ARB2A: variants seen among roughly 807,000 people sequenced by gnomAD.
ARB2A encodes the protein cotranscriptional regulator ARB2A.
the ARB2A span, chr5:93,865,996 T>C: frequency 2.0e-6 from 2 of 985,324 alleles, no homozygotes; most frequent in African/African-American, 1.7e-5. Flanking sequence ...TTAAGAGTTA[T>C]GCAACTAAAA....
chr5:93,978,161 T>C, the ARB2A span, among the ~76,000 whole-genome samples: 2 of 152,150 alleles, frequency 1.3e-5, no homozygotes, highest in Non-Finnish European at 2.9e-5. Context: ...TATACATTGT[T>C]GGTGGGAATG....
the ARB2A span, among the ~76,000 whole-genome samples, chr5:93,635,625 A>G: frequency 6.6e-6 from 1 of 151,978 alleles, no homozygotes; most frequent in Non-Finnish European, 1.5e-5. Flanking sequence ...TTTTTGGTAG[A>G]GACAGGGTTT....
the ARB2A span, among the ~76,000 whole-genome samples, chr5:93,969,943 A>T: frequency 2.6e-5 from 4 of 152,106 alleles, no homozygotes; most frequent in Admixed American, 2.6e-4. Flanking sequence ...TTTGAGAAAT[A>T]AAATGTAATA....
chr5:93,664,093 T>A, the ARB2A span, among the ~76,000 whole-genome samples: 2 of 151,636 alleles, frequency 1.3e-5, no homozygotes, highest in South Asian at 4.2e-4. Flanking sequence ...TTTTTAGCGG[T>A]AGGGTCTTGC....
chr5:93,640,777 T>C, the ARB2A span, among the ~76,000 whole-genome samples: 37 of 152,164 alleles, frequency 2.4e-4, no homozygotes, highest in Non-Finnish European at 4.1e-4. Context: ...TCTGTAAATA[T>C]TTACAGTCTT....
chr5:93,804,502 T>C, the ARB2A span, among the ~76,000 whole-genome samples: 7 of 152,044 alleles, frequency 4.6e-5, no homozygotes, highest in East Asian at 1.2e-3. Flanking sequence ...CTTTCAATAA[T>C]AATTCAATAT....
chr5:93,799,160 T>G, the ARB2A span, among the ~76,000 whole-genome samples: 1 of 152,106 alleles, frequency 6.6e-6, no homozygotes, highest in Non-Finnish European at 1.5e-5. Flanking sequence ...TAGAGAACAC[T>G]TATGGTCCTG....
chr5:93,773,540 CAA>C, the ARB2A span, among the ~76,000 whole-genome samples: 10 of 152,174 alleles, frequency 6.6e-5, no homozygotes, highest in East Asian at 1.9e-4. Context: ...TTTCACCAGG[CAA>C]AGAGTCTTGA....
the ARB2A span, among the ~76,000 whole-genome samples, chr5:93,934,132 A>T: frequency 4.6e-5 from 7 of 152,334 alleles, no homozygotes; most frequent in South Asian, 2.1e-4. Flanking sequence ...TTTATGAGGA[A>T]CTATTTTAAA....
At chr5:94,078,798 A>G in the ARB2A span, among the ~76,000 whole-genome samples, 1 of 151,972 alleles carries the variant, frequency 6.6e-6, no homozygotes, top group South Asian at 2.1e-4. Flanking sequence ...ACCATCTAGT[A>G]GCTAAGTGAC....
the ARB2A span, among the ~76,000 whole-genome samples, chr5:93,640,444 G>A: frequency 6.6e-6 from 1 of 150,480 alleles, no homozygotes; most frequent in Non-Finnish European, 1.5e-5. Context: ...GCAAGACTCC[G>A]TCTCAAAAAA....
the ARB2A span, among the ~76,000 whole-genome samples, chr5:93,831,491 G>A: frequency 9.2e-5 from 14 of 152,114 alleles, no homozygotes; most frequent in East Asian, 1.9e-4. Flanking sequence ...ACTCAGTCAT[G>A]CAACTCAGTC....
the ARB2A span, among the ~76,000 whole-genome samples, chr5:93,902,169 T>C: frequency 1.3e-5 from 2 of 152,184 alleles, 1 homozygote; most frequent in Admixed American, 1.3e-4. Context: ...TTTTAACGTA[T>C]TTCTATTTTA....
At chr5:93,874,634 T>C in the ARB2A span, among the ~76,000 whole-genome samples, 5 of 152,196 alleles carry the variant, frequency 3.3e-5, no homozygotes, top group Non-Finnish European at 7.3e-5. Context: ...TAGCAAGTTA[T>C]TGAAACTGAG....
the ARB2A span, among the ~76,000 whole-genome samples, chr5:94,027,553 G>A: frequency 6.6e-6 from 1 of 152,126 alleles, no homozygotes; most frequent in Admixed American, 6.5e-5. Context: ...GACTGGGTCT[G>A]GAGAGCTTCT....
the ARB2A span, among the ~76,000 whole-genome samples, chr5:93,716,400 G>C: frequency 6.6e-6 from 1 of 151,930 alleles, no homozygotes; most frequent in South Asian, 2.1e-4. Context: ...TGAACTTTTG[G>C]TTCAAGTTCT....
the ARB2A span, among the ~76,000 whole-genome samples, chr5:93,770,692 T>A: frequency 6.6e-6 from 1 of 152,070 alleles, no homozygotes; most frequent in African/African-American, 2.4e-5. Context: ...ATGAGTGAAC[T>A]CCCATTCACA....
At chr5:94,087,069 T>G in the ARB2A span, among the ~76,000 whole-genome samples, 1 of 152,172 alleles carries the variant, frequency 6.6e-6, no homozygotes, top group African/African-American at 2.4e-5. Flanking sequence ...GTGTTATTGA[T>G]GATCCTGACC....
chr5:93,716,047 G>C, the ARB2A span, among the ~76,000 whole-genome samples: 2 of 152,146 alleles, frequency 1.3e-5, no homozygotes, highest in Non-Finnish European at 2.9e-5. Context: ...CTGAGTGATA[G>C]CTCATCATTT....
Sources: allele counts gnomAD v4.1 joint callset (sites outside exome capture counted in the v4.1 genomes callset), GRCh38; gene constraint gnomAD v4.1.1; transcripts MANE v1.5; gene names NCBI Gene and HGNC (gene_info 2026-07-23, HGNC 2026-07-21).